Variants in SV2C observed in about 807,000 individuals in gnomAD.
The protein encoded by SV2C is solute carrier family 22 member B3.
SV2C carries 49 observed loss-of-function variants against 79.7 expected under a neutral mutation model. The ratio of observed to expected loss-of-function variants is 0.61; its 90% CI spans 0.49 to 0.78. The LOEUF (loss-of-function observed/expected upper bound fraction) is 0.78. Among genes scored for constraint, SV2C ranks in the 30% least tolerant of loss-of-function variants. The probability of loss-of-function intolerance (pLI) is 0.00; values close to 1 mark genes in which losing one functional copy is unlikely to be tolerated. For missense variants in SV2C, 833 were observed against 912.9 expected (o/e 0.91, Z 1.13); for synonymous variants, 334 against 333.2 (o/e 1.00, Z -0.03).
chr5:75,937,538 T>TATAAATAA, the SV2C span, among the ~76,000 whole-genome samples: 1 of 151,838 alleles, frequency 6.6e-6, no homozygotes, highest in African/African-American at 2.4e-5. Flanking sequence ...CCATCTCTAT[T>TATAAATAA]ATAAATAAAT....
At chr5:76,061,106 C>T in the SV2C span, among the ~76,000 whole-genome samples, 1 of 151,686 alleles carries the variant, frequency 6.6e-6, no homozygotes, top group African/African-American at 2.4e-5. Context: ...CATCGAAGAT[C>T]ACTGATCACA....
At chr5:76,127,988 C>G (rs962529) in intron 1 of SV2C, among the ~76,000 whole-genome samples, 6,699 of 152,262 alleles carry the variant, frequency 0.044, 428 homozygotes, top group African/African-American at 0.14. Flanking sequence ...ATGGCTAGGT[C>G]TGTTCCTGGG....
At chr5:76,104,513 G>GC (rs1747845817) in intron 1 of SV2C, among the ~76,000 whole-genome samples, 1 of 152,172 alleles carries the variant, frequency 6.6e-6, no homozygotes, top group African/African-American at 2.4e-5. Context: ...GTCTCCCAAG[G>GC]AGCTGGGACT....
chr5:76,266,008 G>C (rs1278339626), intron 4 of SV2C, among the ~76,000 whole-genome samples: 1 of 152,102 alleles, frequency 6.6e-6, no homozygotes, highest in East Asian at 1.9e-4. Flanking sequence ...AACCTGAACT[G>C]AGTGTGTTAT....
rs1333217974 is a variant in SV2C at position 76,263,181 on chromosome 5, T to C, written c.914-21981T>C. Among the ~76,000 whole-genome samples, 5 of 152,248 alleles carry C rather than the reference T, an allele frequency of 3.3e-5. No homozygotes were observed. The East Asian group carries it at 5.8e-4, about 18-fold the overall frequency. On this transcript the variant is annotated intron_variant, in intron 4 of 12. Transcript: ENST00000502798. ...TGTTGCATTGATCCCTTTACCATTA[T>C]ATGATGCCCTTCTTTGTCTTTTTTG...
Position 76,238,055 on chromosome 5 carries a change from CACACACACACAT to C in SV2C, c.913+28170_913+28181del, listed in dbSNP as rs879642130. ...ACACACACACACACACACACACACACACACACACACATATATATACCTCACCACCATTTTTTT... is the reference window on the plus strand; with the variant it reads ...ACACACACACACACACACACACACACATATATACCTCACCACCATTTTTTT... On this transcript the variant is annotated intron_variant, in intron 4 of 12. Coordinates refer to ENST00000502798, the MANE Select transcript of SV2C (RefSeq NM_014979.4). Among the ~76,000 whole-genome samples the C allele has an allele frequency of 6.6e-3, 531 of 81,062 alleles. 5 individuals are homozygous for C. The highest frequency in any genetic ancestry group is 0.022 in the East Asian group (51 of 2,354). 53.2% of individuals were successfully genotyped at this position (81,062 alleles called of 152,430 possible). A position where few individuals can be genotyped will look rare whatever the true frequency, so the allele number is the denominator to read the frequency against.
the SV2C span, among the ~76,000 whole-genome samples, chr5:75,928,695 TCA>T: frequency 6.6e-6 from 1 of 152,004 alleles, no homozygotes; most frequent in Non-Finnish European, 1.5e-5. Flanking sequence ...CGTGATGGAG[TCA>T]CAGAGTTTAA....
At chr5:76,236,150 A>G (rs904882395) in intron 4 of SV2C, among the ~76,000 whole-genome samples, 22 of 152,260 alleles carry the variant, frequency 1.4e-4, no homozygotes, top group Non-Finnish European at 1.9e-4. Context: ...CTCTTTAGTT[A>G]TCAAACAAAA....
intron 4 of SV2C, chr5:76,241,953 A>C: frequency 1.2e-6 from 1 of 812,658 alleles, no homozygotes; most frequent in Non-Finnish European, 2.1e-6. Context: ...ATTTTTATAA[A>C]ACTTGATAAA....
At chr5:76,183,900 T>G (rs1743827848) in intron 2 of SV2C, among the ~76,000 whole-genome samples, 1 of 152,222 alleles carries the variant, frequency 6.6e-6, no homozygotes, top group South Asian at 2.1e-4. Flanking sequence ...TCCCTAGAAC[T>G]AATTAAGTAG....
intron 2 of SV2C, among the ~76,000 whole-genome samples, chr5:76,181,624 C>T (rs185266442): frequency 1.4e-3 from 217 of 152,026 alleles, no homozygotes; most frequent in African/African-American, 5.0e-3. Context: ...GGATGTGCTG[C>T]ACTTTTAAAC....
chr5:75,951,154 A>G, the SV2C span, among the ~76,000 whole-genome samples: 1 of 152,030 alleles, frequency 6.6e-6, no homozygotes, highest in Admixed American at 6.6e-5. Context: ...TGAAAGGGAT[A>G]AAAATTTATG....
At chr5:76,026,712 G>C in the SV2C span, among the ~76,000 whole-genome samples, 1 of 152,186 alleles carries the variant, frequency 6.6e-6, no homozygotes, top group Non-Finnish European at 1.5e-5. Flanking sequence ...AAGAGATAGT[G>C]AGCCTAACTA....
At chr5:76,052,606 T>C in the SV2C span, among the ~76,000 whole-genome samples, 2 of 152,084 alleles carry the variant, frequency 1.3e-5, no homozygotes, top group African/African-American at 4.8e-5. Flanking sequence ...ATGGCCAGGG[T>C]GCTGGAGGAA....
chr5:76,068,726 C>A, the SV2C span, among the ~76,000 whole-genome samples: 1 of 152,020 alleles, frequency 6.6e-6, no homozygotes, highest in Non-Finnish European at 1.5e-5. Flanking sequence ...TTACCAAAAG[C>A]TATATAAGAG....
chr5:76,234,785 A>G (rs1004948071), intron 4 of SV2C, among the ~76,000 whole-genome samples: 12 of 152,198 alleles, frequency 7.9e-5, no homozygotes, highest in African/African-American at 2.4e-4. Context: ...TTTATGAAGT[A>G]TATCATAGCC....
intron 2 of SV2C, among the ~76,000 whole-genome samples, chr5:76,185,497 C>T (rs1434440216): frequency 6.6e-6 from 1 of 152,258 alleles, no homozygotes; most frequent in Non-Finnish European, 1.5e-5. Context: ...TTCCATACAT[C>T]CTTGGAAATC....
chr5:76,058,448 C>G, the SV2C span, among the ~76,000 whole-genome samples: 1 of 152,100 alleles, frequency 6.6e-6, no homozygotes, highest in Admixed American at 6.6e-5. Context: ...ATCCCTGAAG[C>G]CTGCCCAGAA....
the SV2C span, among the ~76,000 whole-genome samples, chr5:75,886,434 G>A: frequency 6.6e-6 from 1 of 152,094 alleles, no homozygotes; most frequent in Non-Finnish European, 1.5e-5. Flanking sequence ...CTGTTTCTCT[G>A]ACCCTGCCTG....
Sources: allele counts gnomAD v4.1 joint callset (sites outside exome capture counted in the v4.1 genomes callset), GRCh38; gene constraint gnomAD v4.1.1; transcripts MANE v1.5; gene names NCBI Gene and HGNC (gene_info 2026-07-23, HGNC 2026-07-21).